Variants in PTPRD observed in about 807,000 individuals in gnomAD.
PTPRD encodes the protein receptor-type tyrosine-protein phosphatase delta.
PTPRD carries 34 observed loss-of-function variants against 214.5 expected under a neutral mutation model. The observed-to-expected ratio is 0.16, with a 90% CI of 0.12 to 0.21. The LOEUF (loss-of-function observed/expected upper bound fraction) is 0.21. Ranked by LOEUF, PTPRD falls within the 10% of genes least tolerant of loss-of-function variation. The pLI is 1.00. For synonymous variants in PTPRD, 1,128 were observed against 845.7 expected, an observed-to-expected ratio of 1.33 and a Z score of -5.79; for missense variants, 2,545 against 2,398.7, an observed-to-expected ratio of 1.06 and a Z score of -1.27.
intron 3 of PTPRD, among the ~76,000 whole-genome samples, chr9:10,135,484 T>G (rs750338765): frequency 7.9e-5 from 12 of 151,952 alleles, no homozygotes; most frequent in African/African-American, 2.7e-4. Context: ...TAAAAAGAAG[T>G]GTCAGATCAC....
At chr9:9,160,039 A>G (rs1005272813) in intron 10 of PTPRD, among the ~76,000 whole-genome samples, 1 of 152,178 alleles carries the variant, frequency 6.6e-6, no homozygotes, top group African/African-American at 2.4e-5. Flanking sequence ...TCACATCATT[A>G]TAAAAATTAA....
chr9:8,496,974 T>G (rs954208357), intron 26 of PTPRD, among the ~76,000 whole-genome samples: 1 of 152,224 alleles, frequency 6.6e-6, no homozygotes, highest in African/African-American at 2.4e-5. Flanking sequence ...ATGCCTCCTC[T>G]GACTGTCACA....
intron 14 of PTPRD, 38 bp from the exon 15 acceptor site, chr9:8,528,817 A>G: frequency 6.3e-7 from 1 of 1,593,278 alleles, no homozygotes; most frequent in Non-Finnish European, 8.6e-7. Flanking sequence ...TCAGTTAATA[A>G]GTCAGATGCT....
At chr9:8,538,316 T>G (rs1006567341) in intron 14 of PTPRD, among the ~76,000 whole-genome samples, 10 of 151,890 alleles carry the variant, frequency 6.6e-5, no homozygotes, top group African/African-American at 2.2e-4. Context: ...TTTTTTATTC[T>G]TGTTTTTTAG....
intron 11 of PTPRD, among the ~76,000 whole-genome samples, chr9:8,933,028 G>T (rs548780268): frequency 6.6e-6 from 1 of 152,168 alleles, no homozygotes; most frequent in East Asian, 2.0e-4. Flanking sequence ...CTGGTCTACA[G>T]GTTGCGAAGA....
chr9:8,967,284 A>G (rs2099202813), intron 11 of PTPRD, among the ~76,000 whole-genome samples: 1 of 152,154 alleles, frequency 6.6e-6, no homozygotes, highest in South Asian at 2.1e-4. Context: ...TGACTCAGCA[A>G]TCCCATTATT....
In PTPRD at chr9:8,911,415, TTG is replaced by T. The variant is rs757801073; in HGVS notation, c.-104+107280_-104+107281del. ...GTGTGTGTCTGTGTGTGTGTGTGTG[TTG>T]TGTGTGTGTGTGTGTGTGTGTGTGA... On this transcript the variant is annotated intron_variant, in intron 11 of 45. Transcript: ENST00000381196. 2.2e-3 allele frequency among the ~76,000 whole-genome samples: 276 copies of T among 127,664 alleles called. 1 individual carries two copies. Among genetic ancestry groups the T allele is most frequent in the South Asian group, 4.6e-3 (18 of 3,908 alleles). 83.8% of individuals were successfully genotyped at this position (127,664 alleles called of 152,430 possible).
chr9:9,376,855 C>A (rs1476979959), intron 9 of PTPRD, among the ~76,000 whole-genome samples: 1 of 151,952 alleles, frequency 6.6e-6, no homozygotes, highest in Non-Finnish European at 1.5e-5. Context: ...AAATATATAT[C>A]CTTTAGTATT....
chr9:8,410,896 C>T lies in PTPRD; in HGVS notation c.4087-6236G>A, dbSNP rs558071989. Among the ~76,000 whole-genome samples, 4 of 152,172 alleles carry T rather than the reference C, an allele frequency of 2.6e-5. No individual in the cohort carries two copies. The East Asian group carries it at 7.7e-4, about 29-fold the overall frequency. ...AGGATAAACTATGCTCATAGTAAAT[C>T]ATTCATCCATGGCAAGTGAGTAAAT... is the stretch of plus-strand genomic sequence containing the variant. On this transcript the variant is annotated intron_variant, in intron 35 of 45. Coordinates refer to ENST00000381196, the MANE Select transcript of PTPRD (RefSeq NM_002839.4).
chr9:9,155,270 G>C lies in PTPRD; in HGVS notation c.-143+28034C>G, dbSNP rs776540167. Among the ~76,000 whole-genome samples the C allele has an allele frequency of 1.1e-4, 17 of 152,050 alleles. No homozygotes were observed. The East Asian group carries it at 3.3e-3, about 29-fold the overall frequency. Reference sequence around the variant, plus strand: ...TTTTAAATTAAAATTATGTGTTCCTGTCACAGATTGTCTTCTTTGTACATG... The same window carrying C: ...TTTTAAATTAAAATTATGTGTTCCTCTCACAGATTGTCTTCTTTGTACATG... On this transcript the variant is annotated intron_variant, in intron 10 of 45. Transcript: ENST00000381196.
intron 9 of PTPRD, among the ~76,000 whole-genome samples, chr9:9,290,164 G>C (rs1345473180): frequency 1.3e-5 from 2 of 151,634 alleles, no homozygotes; most frequent in East Asian, 2.0e-4. Context: ...ACAGATGTGA[G>C]GTGATACCTC....
chr9:9,200,681 T>C lies in PTPRD; in HGVS notation c.-202-17318A>G, dbSNP rs532557015. On this transcript the variant is annotated intron_variant, in intron 9 of 45. Coordinates refer to ENST00000381196, the MANE Select transcript of PTPRD (RefSeq NM_002839.4). ...TTGTAAATCCTTGTGGAAGATTCCC[T>C]GGTTGGCAGAGATCTGCTAAAAGTG... is the stretch of plus-strand genomic sequence containing the variant. Among the ~76,000 whole-genome samples the C allele has an allele frequency of 3.3e-5, 5 of 152,318 alleles. No homozygotes were observed. The East Asian group carries it at 5.8e-4, about 18-fold the overall frequency.
At chr9:9,064,551 C>A (rs1168841967) in intron 10 of PTPRD, among the ~76,000 whole-genome samples, 1 of 152,166 alleles carries the variant, frequency 6.6e-6, no homozygotes, top group African/African-American at 2.4e-5. Context: ...CTGTGTGACA[C>A]TGATGAACAT....
intron 7 of PTPRD, among the ~76,000 whole-genome samples, chr9:9,644,456 T>C (rs1478576657): frequency 6.6e-6 from 1 of 152,224 alleles, no homozygotes; most frequent in Admixed American, 6.5e-5. Context: ...AATTATTTGG[T>C]CTGAATAAAG....
Position 8,518,115 on chromosome 9 carries a change from C to T in PTPRD, c.1276G>A (p.Ala426Thr), listed in dbSNP as rs2138518925. The change falls in exon 21 of 46, where the codon GCA (alanine) becomes ACA (threonine). Residue 426 changes from alanine (A) to threonine (T), a missense_variant. By Grantham distance (58) the Ala-to-Thr change is moderately conservative. Transcript: ENST00000381196. ...ATGGTGGTCGAACTCAACATTCGTG[C>T]CTGGACATCCCTCGGGGCACTGGAT... ...APSSAPRDVQ[A>T]RMLSSTTILV... 1 of 1,614,134 alleles carries T rather than the reference C, an allele frequency of 6.2e-7. No homozygotes were observed. The highest frequency in any genetic ancestry group is 1.3e-5 in the African/African-American group (1 of 75,032).
intron 11 of PTPRD, among the ~76,000 whole-genome samples, chr9:8,882,959 C>A (rs1481071493): frequency 6.6e-6 from 1 of 150,608 alleles, no homozygotes; most frequent in East Asian, 2.0e-4. Flanking sequence ...ATGGAAGATA[C>A]ATGTGAAAAT....
intron 10 of PTPRD, among the ~76,000 whole-genome samples, chr9:9,048,452 C>A (rs981876952): frequency 6.6e-6 from 1 of 152,076 alleles, no homozygotes; most frequent in Non-Finnish European, 1.5e-5. Context: ...GACATACACA[C>A]AATGGAGTAC....
intron 8 of PTPRD, among the ~76,000 whole-genome samples, chr9:9,481,241 G>T (rs959899448): frequency 6.6e-6 from 1 of 152,074 alleles, no homozygotes; most frequent in Non-Finnish European, 1.5e-5. Context: ...AATCAGACTT[G>T]GTGAGGTAGA....
intron 3 of PTPRD, among the ~76,000 whole-genome samples, chr9:10,152,580 C>G (rs1377322174): frequency 1.3e-5 from 2 of 152,112 alleles, no homozygotes; most frequent in Non-Finnish European, 2.9e-5. Context: ...AATCCCAGCA[C>G]TTTGGGAGGC....
Sources: allele counts gnomAD v4.1 joint callset (sites outside exome capture counted in the v4.1 genomes callset), GRCh38; gene constraint gnomAD v4.1.1; transcripts MANE v1.5; gene names NCBI Gene and HGNC (gene_info 2026-07-23, HGNC 2026-07-21).